FCHSD2: variants seen among roughly 807,000 people sequenced by gnomAD.
FCHSD2 encodes F-BAR and double SH3 domains protein 2.
A neutral mutation model predicts 108.1 loss-of-function variants in FCHSD2; 38 were observed. The ratio of observed to expected loss-of-function variants is 0.35; its 90% CI spans 0.27 to 0.46. FCHSD2 has a LOEUF of 0.46. FCHSD2 is among the 20% of genes least tolerant of loss of function. The pLI is 1.00. For synonymous variants in FCHSD2, 279 were observed against 314.7 expected, an observed-to-expected ratio of 0.89 and a Z score of 1.20; for missense variants, 751 against 897.8, an observed-to-expected ratio of 0.84 and a Z score of 2.09.
intron 12 of FCHSD2, among the ~76,000 whole-genome samples, chr11:72,882,661 C>T (rs964156940): frequency 2.6e-5 from 4 of 152,022 alleles, no homozygotes; most frequent in Admixed American, 2.0e-4. Context: ...TAAATATGTA[C>T]AATTATTTTG....
At chr11:72,986,988 C>A (rs992089524) in intron 6 of FCHSD2, among the ~76,000 whole-genome samples, 6 of 152,250 alleles carry the variant, frequency 3.9e-5, no homozygotes, top group Admixed American at 3.9e-4. Context: ...ACCCTCAAAG[C>A]GAGATCTTGA....
intron 13 of FCHSD2, among the ~76,000 whole-genome samples, chr11:72,864,410 G>C (rs796074533): frequency 1.2e-4 from 18 of 152,072 alleles, no homozygotes; most frequent in African/African-American, 4.3e-4. Context: ...CTGGGCATGG[G>C]GGCATGAGCC....
chr11:72,852,203 T>C (rs1015888534), intron 13 of FCHSD2, among the ~76,000 whole-genome samples: 7 of 152,082 alleles, frequency 4.6e-5, no homozygotes, highest in Admixed American at 3.3e-4. Context: ...ATGGCTATTA[T>C]TTAAAAAGTC....
At chr11:73,039,046 T>C (rs1249407227) in intron 3 of FCHSD2, among the ~76,000 whole-genome samples, 1 of 152,228 alleles carries the variant, frequency 6.6e-6, no homozygotes, top group African/African-American at 2.4e-5. Flanking sequence ...TTCTTTCTAA[T>C]ATTACTTAAG....
intron 3 of FCHSD2, among the ~76,000 whole-genome samples, chr11:73,047,475 T>C (rs933709744): frequency 2.6e-5 from 4 of 152,192 alleles, no homozygotes; most frequent in East Asian, 1.9e-4. Context: ...AGCAATTCTA[T>C]CCTTTGTTTT....
intron 5 of FCHSD2, among the ~76,000 whole-genome samples, chr11:72,999,532 C>T (rs1857584005): frequency 6.6e-6 from 1 of 151,966 alleles, no homozygotes; most frequent in Non-Finnish European, 1.5e-5. Context: ...ATTGGTCAGG[C>T]TGGTCTTGAA....
rs571657898 is a variant in FCHSD2 at position 72,974,684 on chromosome 11, C to A, written c.705+9404G>T. 1.7e-4 allele frequency among the ~76,000 whole-genome samples: 26 copies of A among 152,004 alleles called. No individual in the cohort carries two copies. The East Asian group carries it at 2.9e-3, about 17-fold the overall frequency. On this transcript the variant is annotated intron_variant, in intron 8 of 19. Transcript: ENST00000409418. ...TATTTTTAGTTACTTTCAGTATTCA[C>A]AAGTACCAGTGGTAAAGGCACAAAT...
At chr11:73,117,512 T>C (rs1287325552) in intron 2 of FCHSD2, among the ~76,000 whole-genome samples, 1 of 152,248 alleles carries the variant, frequency 6.6e-6, no homozygotes, top group Non-Finnish European at 1.5e-5. Flanking sequence ...AATTTCCTTT[T>C]GAATCATACC....
chr11:73,101,393 G>C (rs958926934), intron 2 of FCHSD2, among the ~76,000 whole-genome samples: 7 of 152,078 alleles, frequency 4.6e-5, no homozygotes, highest in South Asian at 4.2e-4. Context: ...ACTGAGGTGG[G>C]AACTACTGAG....
Position 72,868,035 on chromosome 11 carries a change from C to T in FCHSD2, c.1147-9G>A. The T allele has an allele frequency of 1.3e-6, 2 of 1,548,478 alleles. No homozygotes were observed. Among genetic ancestry groups the T allele is most frequent in the Admixed American group, 2.0e-5 (1 of 49,680 alleles). ...GCTTTCAATTTAATTATCTAGAGAA[C>T]CAAGAAAATGGTCGGAAATCAAGGC... On this transcript the variant is annotated splice_polypyrimidine_tract_variant and intron_variant, in intron 12 of 19. Transcript: ENST00000409418.
In FCHSD2 at chr11:72,921,858, T is replaced by A. The variant is rs779721768; in HGVS notation, c.798A>T (p.Thr266=). ...ELETCQAVQN[T]FQFLLENSSK... Reference sequence around the variant, plus strand: ...TGGAGTTTTCTAATAAAAACTGGAATGTGTTCTGCACAGCTTGGCATGTTT... The same window carrying A: ...TGGAGTTTTCTAATAAAAACTGGAAAGTGTTCTGCACAGCTTGGCATGTTT... The change falls in exon 9 of 20, where the codon ACA becomes ACT. Residue 266 remains threonine, a synonymous_variant. Transcript: ENST00000409418. 5.0e-6 allele frequency: 8 copies of A among 1,611,180 alleles called. No homozygotes were observed. Among genetic ancestry groups the A allele is most frequent in the Non-Finnish European group, 6.8e-6 (8 of 1,178,394 alleles).
intron 2 of FCHSD2, among the ~76,000 whole-genome samples, chr11:73,095,739 G>A (rs1860058940): frequency 6.6e-6 from 1 of 152,094 alleles, no homozygotes; most frequent in Admixed American, 6.6e-5. Flanking sequence ...GCTGGCAGAG[G>A]AAGCTTTCCT....
intron 8 of FCHSD2, among the ~76,000 whole-genome samples, chr11:72,982,417 T>C (rs1013795142): frequency 1.3e-5 from 2 of 152,216 alleles, no homozygotes; most frequent in African/African-American, 4.8e-5. Flanking sequence ...GTGTGTTTGT[T>C]AGTCATTAAG....
At position 72,837,474 on chromosome 11, in the gene FCHSD2, A is replaced by C. The variant is rs1860764444; in HGVS notation, c.*1317T>G. On this transcript the variant is annotated 3_prime_UTR_variant, in exon 20 of 20. Coordinates refer to ENST00000409418, the MANE Select transcript of FCHSD2 (RefSeq NM_014824.3). ...TGATTTCTTAACCAAGGAAAAAAAAAAAAAACAAACCACAACCGGCGAACA... is the reference window on the plus strand; with the variant it reads ...TGATTTCTTAACCAAGGAAAAAAAACAAAAACAAACCACAACCGGCGAACA... The C allele has an allele frequency of 1.3e-5, 2 of 152,152 alleles. No homozygotes were observed. The highest frequency in any genetic ancestry group is 2.4e-5 in the African/African-American group (1 of 41,490). 9.4% of individuals were successfully genotyped at this position (152,152 alleles called of 1,614,324 possible). A position where few individuals can be genotyped will look rare whatever the true frequency, so the allele number is the denominator to read the frequency against.
intron 13 of FCHSD2, 51 bp from the exon 14 acceptor site, chr11:72,849,940 T>C (rs1861238092): frequency 6.6e-7 from 1 of 1,508,392 alleles, no homozygotes; most frequent in Non-Finnish European, 9.1e-7. Flanking sequence ...AAGAAAATGG[T>C]TGAAAGCCGG....
chr11:73,030,647 C>A (rs927711699), intron 3 of FCHSD2, among the ~76,000 whole-genome samples: 17 of 152,032 alleles, frequency 1.1e-4, no homozygotes, highest in Admixed American at 9.8e-4. Flanking sequence ...ACAAATCAAT[C>A]CACAAAACCA....
chr11:72,946,224 T>G (rs1386022943), intron 8 of FCHSD2, among the ~76,000 whole-genome samples: 1 of 151,918 alleles, frequency 6.6e-6, no homozygotes, highest in African/African-American at 2.4e-5. Flanking sequence ...CCATAAAAAA[T>G]GATGAGTTCA....
At chr11:73,037,340 T>C (rs944505177) in intron 3 of FCHSD2, among the ~76,000 whole-genome samples, 1 of 152,194 alleles carries the variant, frequency 6.6e-6, no homozygotes, top group African/African-American at 2.4e-5. Context: ...GTACAGTCTA[T>C]GTGTCTGGAC....
At chr11:72,893,746 T>C (rs1855365629) in intron 10 of FCHSD2, among the ~76,000 whole-genome samples, 6 of 146,918 alleles carry the variant, frequency 4.1e-5, no homozygotes, top group Admixed American at 2.7e-4. Flanking sequence ...AGACTCTGTC[T>C]CCAAAAAAAA....
Sources: allele counts gnomAD v4.1 joint callset (sites outside exome capture counted in the v4.1 genomes callset), GRCh38; gene constraint gnomAD v4.1.1; transcripts MANE v1.5; gene names NCBI Gene and HGNC (gene_info 2026-07-23, HGNC 2026-07-21).